PDCL3: variants seen among roughly 807,000 people sequenced by gnomAD.
PDCL3 encodes phosducin-like protein 3.
Under a neutral mutation model 26.5 loss-of-function variants are expected in PDCL3, and 22 were observed. The ratio of observed to expected loss-of-function variants is 0.83; its 90% confidence interval spans 0.59 to 1.19. PDCL3 has a LOEUF of 1.19. PDCL3 is among the 50% of genes most tolerant of loss of function. The pLI, the probability that PDCL3 is intolerant of heterozygous loss-of-function variation, is 0.00. For missense variants in PDCL3, 246 were observed against 294.1 expected, an observed-to-expected ratio of 0.84 and a Z score of 1.20; for synonymous variants, 81 against 104.9, an observed-to-expected ratio of 0.77 and a Z score of 1.39.
chr2:100,575,889 G>C (rs746309822), intron 5 of PDCL3, among the ~76,000 whole-genome samples: 7 of 152,028 alleles, frequency 4.6e-5, no homozygotes, highest in Non-Finnish European at 8.8e-5. Context: ...GTCATCAGAG[G>C]ATAGGTTTAT....
chr2:100,566,060 C>G (rs1007165849), intron 1 of PDCL3, among the ~76,000 whole-genome samples: 1 of 152,094 alleles, frequency 6.6e-6, no homozygotes, highest in Non-Finnish European at 1.5e-5. Flanking sequence ...CCCGCCACCA[C>G]GCTCGGCTAA....
chr2:100,569,439 G>A (rs1675125161), intron 3 of PDCL3, 139 bp from the exon 4 acceptor site: 1 of 1,023,070 alleles, frequency 9.8e-7, no homozygotes, highest in Non-Finnish European at 1.4e-6. Context: ...AAATAATATT[G>A]TGAATTTTAG....
chr2:100,570,658 A>T (rs1022136316), intron 4 of PDCL3, among the ~76,000 whole-genome samples: 2 of 151,694 alleles, frequency 1.3e-5, no homozygotes, highest in African/African-American at 4.8e-5. Context: ...TTGTATTTTT[A>T]GTAGAGACGG....
chr2:100,574,829 C>A (rs945796083), intron 5 of PDCL3, among the ~76,000 whole-genome samples: 1 of 152,184 alleles, frequency 6.6e-6, no homozygotes, highest in African/African-American at 2.4e-5. Context: ...CAACTGAGCA[C>A]GTTGGCTGAA....
chr2:100,566,719 G>A (rs1675068913), intron 2 of PDCL3, 90 bp downstream of exon 2: 2 of 1,560,792 alleles, frequency 1.3e-6, no homozygotes, highest in Non-Finnish European at 1.7e-6. Context: ...AGGTTGGAGT[G>A]CCAGCATGGA....
Position 100,563,085 on chromosome 2 carries a change from C to T in PDCL3, c.6+12C>T. The T allele has an allele frequency of 9.4e-6, 15 of 1,601,474 alleles. No homozygotes were observed. Among genetic ancestry groups the T allele is most frequent in the Non-Finnish European group, 1.3e-5 (15 of 1,174,686 alleles). ...GAAACAAGATGCAGGTGAGCTAGGA[C>T]GGGTCTCGGGTCTGGGGGCTGCGGC... On this transcript the variant is annotated intron_variant, in intron 1 of 5. Transcript: ENST00000264254.
At chr2:100,564,623 C>G (rs905499897) in intron 1 of PDCL3, among the ~76,000 whole-genome samples, 1 of 152,168 alleles carries the variant, frequency 6.6e-6, no homozygotes, top group African/African-American at 2.4e-5. Context: ...TATCTCAGAA[C>G]TGTTACACAG....
Position 100,576,384 on chromosome 2 carries a change from C to G in PDCL3, c.608C>G (p.Ala203Gly), listed in dbSNP as rs773181713. Reference protein sequence around the residue: ...ELEWKLSESGAIMTDLEENPK... With the variant: ...ELEWKLSESGGIMTDLEENPK... Reference sequence around the variant, plus strand: ...GAATGGAAACTGTCTGAATCTGGAGCAATTATGACAGACCTGGAGGAAAAC... The same window carrying G: ...GAATGGAAACTGTCTGAATCTGGAGGAATTATGACAGACCTGGAGGAAAAC... Residue 203 changes from alanine (A) to glycine (G), a missense_variant, in exon 6 of 6, where the codon GCA becomes GGA. Transcript: ENST00000264254. 1.9e-6 allele frequency: 3 copies of G among 1,613,802 alleles called. No homozygotes were observed. The highest frequency in any genetic ancestry group is 2.5e-6 in the Non-Finnish European group (3 of 1,179,852).
chr2:100,571,585 T>C lies in PDCL3; in HGVS notation c.369-5T>C. On this transcript the variant is annotated splice_region_variant and splice_polypyrimidine_tract_variant and intron_variant, in intron 4 of 5. Transcript: ENST00000264254. Reference sequence around the variant, plus strand: ...TTGCTTCTGTTTTCTATGTGTGTTTTATAGAATTCCCCTCTGTGCCCTGAT... The same window carrying C: ...TTGCTTCTGTTTTCTATGTGTGTTTCATAGAATTCCCCTCTGTGCCCTGAT... The C allele has an allele frequency of 6.2e-7, 1 of 1,612,098 alleles. No homozygotes were observed. The highest frequency in any genetic ancestry group is 2.2e-5 in the East Asian group (1 of 44,886).
chr2:100,563,268 T>G, intron 1 of PDCL3, 195 bp downstream of exon 1: 1 of 559,550 alleles, frequency 1.8e-6, no homozygotes, highest in Non-Finnish European at 3.0e-6. Flanking sequence ...GGCCTGGGCG[T>G]CCCCGCCTCG....
At chr2:100,566,806 G>A (rs1471414541) in intron 2 of PDCL3, among the ~76,000 whole-genome samples, 177 bp downstream of exon 2, 1 of 152,156 alleles carries the variant, frequency 6.6e-6, no homozygotes, top group African/African-American at 2.4e-5. Context: ...AGACTTAGGG[G>A]ACTTCAGATA....
intron 2 of PDCL3, 103 bp downstream of exon 2, chr2:100,566,732 C>A (rs1209497996): frequency 2.6e-6 from 4 of 1,526,506 alleles, no homozygotes; most frequent in South Asian, 2.5e-5. Context: ...AGCATGGACA[C>A]TCTGTGTCTG....
At position 100,575,346 on chromosome 2, in the gene PDCL3, A is replaced by C. The variant is rs373655998; in HGVS notation, c.578-1008A>C. Among the ~76,000 whole-genome samples the C allele has an allele frequency of 1.1e-3, 162 of 152,272 alleles. 2 individuals carry two copies. The Middle Eastern group carries it at 0.02, about 19-fold the overall frequency. On this transcript the variant is annotated intron_variant, in intron 5 of 5. Transcript: ENST00000264254. ...GAGACGGGGTTTCACCGTGTTAGCCAGGATGGTCTCGATCTCCAGACTTCG... is the reference window on the plus strand; with the variant it reads ...GAGACGGGGTTTCACCGTGTTAGCCCGGATGGTCTCGATCTCCAGACTTCG...
At chr2:100,563,144 G>GT in intron 1 of PDCL3, 71 bp downstream of exon 1, 1 of 1,525,632 alleles carries the variant, frequency 6.6e-7, no homozygotes, top group Non-Finnish European at 8.8e-7. Flanking sequence ...CGGGCGGGCA[G>GT]TGGACGCCCG....
At position 100,571,716 on chromosome 2, in the gene PDCL3, G is replaced by A. The variant is rs763038336; in HGVS notation, c.495G>A (p.Thr165=). ...ATTATCCTGATAGGAATCTGCCCAC[G>A]ATATTTGTTTACCTGGAAGGAGATA... ...IPNYPDRNLP[T]IFVYLEGDIK... is the part of the protein sequence containing the mutation. Residue 165 remains threonine, a synonymous_variant, in exon 5 of 6, where the codon ACG becomes ACA. Transcript: ENST00000264254. 13 of 1,613,816 alleles carry A rather than the reference G, an allele frequency of 8.1e-6. No individual in the cohort carries two copies. The highest frequency in any genetic ancestry group is 5.0e-5 in the Admixed American group (3 of 59,990).
In PDCL3 at chr2:100,576,390, T is replaced by C. The variant is rs770674252; in HGVS notation, c.614T>C (p.Met205Thr). Residue 205 changes from methionine (M) to threonine (T), a missense_variant, in exon 6 of 6, where the codon ATG (methionine) becomes ACG (threonine). Coordinates refer to ENST00000264254, the MANE Select transcript of PDCL3 (RefSeq NM_024065.5). ...AAACTGTCTGAATCTGGAGCAATTA[T>C]GACAGACCTGGAGGAAAACCCTAAG... is the stretch of plus-strand genomic sequence containing the variant. ...EWKLSESGAI[M>T]TDLEENPKKP... is the part of the protein sequence containing the mutation. 2 of 1,614,006 alleles carry C rather than the reference T, an allele frequency of 1.2e-6. No individual in the cohort carries two copies. Among genetic ancestry groups the C allele is most frequent in the African/African-American group, 1.3e-5 (1 of 75,038 alleles).
At chr2:100,573,904 A>G (rs1017408514) in intron 5 of PDCL3, among the ~76,000 whole-genome samples, 2 of 152,172 alleles carry the variant, frequency 1.3e-5, no homozygotes, top group South Asian at 2.1e-4. Context: ...AGTCTAGTGA[A>G]CTTACATATA....
intron 1 of PDCL3, 75 bp downstream of exon 1, chr2:100,563,148 A>ACGCC: frequency 6.6e-7 from 1 of 1,511,716 alleles, no homozygotes; most frequent in Non-Finnish European, 8.9e-7. Flanking sequence ...CGGGCAGTGG[A>ACGCC]CGCCCGCCCT....
rs1674977497 is a variant in PDCL3, at chr2:100,563,020, CG to C, written c.-43del. ...GCGTGCACAAAAGAGAGCTGAGGGG[CG>C]GGGGCGCTGCGGCACAGCTGGTTTG... is the stretch of plus-strand genomic sequence containing the variant. On this transcript the variant is annotated 5_prime_UTR_variant, in exon 1 of 6. Coordinates refer to ENST00000264254, the MANE Select transcript of PDCL3 (RefSeq NM_024065.5). The C allele has an allele frequency of 2.5e-6, 4 of 1,582,232 alleles. No individual in the cohort carries two copies. The highest frequency in any genetic ancestry group is 2.7e-5 in the African/African-American group (2 of 74,346).
Sources: allele counts gnomAD v4.1 joint callset (sites outside exome capture counted in the v4.1 genomes callset), GRCh38; gene constraint gnomAD v4.1.1; transcripts MANE v1.5; gene names NCBI Gene and HGNC (gene_info 2026-07-23, HGNC 2026-07-21).